TMEM161B: variants seen among roughly 807,000 people sequenced by gnomAD.
The protein encoded by TMEM161B is transmembrane protein 161B.
TMEM161B carries 34 observed loss-of-function variants against 61.8 expected under a neutral mutation model. That is an observed-to-expected ratio of 0.55 (90% CI 0.42 to 0.73). TMEM161B has a LOEUF of 0.73. Among genes scored for constraint, TMEM161B ranks in the 30% least tolerant of loss-of-function variants. TMEM161B has a pLI of 0.00. For synonymous variants in TMEM161B, 167 were observed against 192.8 expected, an observed-to-expected ratio of 0.87 and a Z score of 1.11; for missense variants, 456 against 558.5, an observed-to-expected ratio of 0.82 and a Z score of 1.85.
chr5:88,207,216 A>AT (rs770350266), intron 5 of TMEM161B, 36 bp from the exon 6 acceptor site: 1 of 1,579,898 alleles, frequency 6.3e-7, no homozygotes, highest in Non-Finnish European at 8.6e-7. Flanking sequence ...ACCACAATAA[A>AT]TTTATAGGAG....
chr5:88,220,854 T>C (rs1748841662), intron 4 of TMEM161B, 135 bp from the exon 5 acceptor site: 1 of 1,219,782 alleles, frequency 8.2e-7, no homozygotes. Flanking sequence ...CAATGTAAGA[T>C]TTACAAATAT....
At chr5:88,231,874 G>T (rs896574450) in intron 2 of TMEM161B, among the ~76,000 whole-genome samples, 2 of 152,026 alleles carry the variant, frequency 1.3e-5, no homozygotes, top group African/African-American at 4.8e-5. Context: ...TTTTATGTGT[G>T]TTTCTGTTTA....
At chr5:88,224,973 T>G (rs916722948) in intron 4 of TMEM161B, among the ~76,000 whole-genome samples, 10 of 142,814 alleles carry the variant, frequency 7.0e-5, no homozygotes, top group Admixed American at 3.5e-4. Flanking sequence ...TTGTTTTTTT[T>G]TTTTTTTTTT....
chr5:88,213,735 T>G (rs1375609949), intron 5 of TMEM161B, among the ~76,000 whole-genome samples: 2 of 152,192 alleles, frequency 1.3e-5, no homozygotes, highest in South Asian at 2.1e-4. Context: ...GATTTTTGTC[T>G]TGAAATCTGA....
chr5:88,268,106 C>T (rs402114), intron 1 of TMEM161B, among the ~76,000 whole-genome samples: 109,457 of 152,050 alleles, frequency 0.72, 39,531 homozygotes, highest in South Asian at 0.78. Context: ...GCAAATCTTA[C>T]GGTCATTCTC....
chr5:88,251,742 T>A (rs390856), intron 1 of TMEM161B, among the ~76,000 whole-genome samples: 1 of 152,024 alleles, frequency 6.6e-6, no homozygotes. Flanking sequence ...ATCCAAATTA[T>A]GTCGCCACAG....
intron 5 of TMEM161B, 129 bp from the exon 6 acceptor site, chr5:88,207,309 T>A: frequency 1.1e-6 from 1 of 886,572 alleles, no homozygotes; most frequent in Non-Finnish European, 1.7e-6. Context: ...TAAAACACTT[T>A]TAAATTAAGG....
chr5:88,263,464 G>T (rs937017054), intron 1 of TMEM161B, among the ~76,000 whole-genome samples: 13 of 152,118 alleles, frequency 8.5e-5, no homozygotes, highest in African/African-American at 3.1e-4. Flanking sequence ...GAAACAAAAG[G>T]TACAGTCATT....
At chr5:88,206,074 CA>C in intron 7 of TMEM161B, 120 bp from the exon 8 acceptor site, 1 of 835,426 alleles carries the variant, frequency 1.2e-6, no homozygotes, top group South Asian at 1.9e-5. Context: ...CAAATTTCTA[CA>C]AAAAGATTGC....
intron 1 of TMEM161B, among the ~76,000 whole-genome samples, chr5:88,256,520 T>G (rs1427376027): frequency 6.6e-6 from 1 of 152,220 alleles, no homozygotes; most frequent in Non-Finnish European, 1.5e-5. Context: ...ATCAGTTTGT[T>G]TAGACCAACT....
At position 88,262,424 on chromosome 5, in the gene TMEM161B, C is replaced by A. The variant is rs189306181; in HGVS notation, c.3+6297G>T. Among the ~76,000 whole-genome samples the A allele has an allele frequency of 4.5e-3, 678 of 152,256 alleles. 4 individuals carry two copies. The highest frequency in any genetic ancestry group is 0.015 in the African/African-American group (642 of 41,558). On this transcript the variant is annotated intron_variant, in intron 1 of 11. Coordinates refer to ENST00000296595, the MANE Select transcript of TMEM161B (RefSeq NM_153354.5). Reference sequence around the variant, plus strand: ...GGTTTTTACCCAAAGGAACTGAAAACCTTTGTCCACACAAAAAACTGTACA... The same window carrying A: ...GGTTTTTACCCAAAGGAACTGAAAAACTTTGTCCACACAAAAAACTGTACA...
At chr5:88,225,116 T>G (rs541969539) in intron 4 of TMEM161B, among the ~76,000 whole-genome samples, 1 of 151,880 alleles carries the variant, frequency 6.6e-6, no homozygotes, top group African/African-American at 2.4e-5. Flanking sequence ...TACAGGCGCC[T>G]GCCACCACGC....
chr5:88,197,238 A>T (rs578032172), intron 11 of TMEM161B, among the ~76,000 whole-genome samples: 4 of 152,314 alleles, frequency 2.6e-5, no homozygotes, highest in Admixed American at 2.0e-4. Context: ...TTTTGTACTG[A>T]GAAATCTTCA....
At chr5:88,198,788 T>A in intron 10 of TMEM161B, 188 bp downstream of exon 10, 1 of 571,250 alleles carries the variant, frequency 1.8e-6, no homozygotes, top group Non-Finnish European at 3.0e-6. Context: ...GGAAGAGGAA[T>A]TAAGACCTCA....
chr5:88,194,437 A>G (rs949953350), downstream of TMEM161B, among the ~76,000 whole-genome samples: 11 of 152,094 alleles, frequency 7.2e-5, no homozygotes, highest in Admixed American at 2.6e-4. Context: ...GCCACTGTGA[A>G]TACTGCTTCA....
chr5:88,251,761 T>C (rs1194994540), intron 1 of TMEM161B, among the ~76,000 whole-genome samples: 1 of 152,190 alleles, frequency 6.6e-6, no homozygotes, highest in Non-Finnish European at 1.5e-5. Context: ...AGAAATTATA[T>C]CTATAAATAG....
chr5:88,198,043 T>A (rs1367863068), intron 10 of TMEM161B: 4 of 236,002 alleles, frequency 1.7e-5, no homozygotes, highest in Non-Finnish European at 3.3e-5. Flanking sequence ...ATGACTAAGA[T>A]TCAAATGGTA....
rs1745191103 is a variant in TMEM161B at position 88,205,047 on chromosome 5, T to A, written c.800+767A>T. ...AAATATTCTCAAGTTGGGCTTCTAC[T>A]GCAAAACAAAACGATGAGACAGGAA... On this transcript the variant is annotated intron_variant, in intron 8 of 11. Coordinates refer to ENST00000296595, the MANE Select transcript of TMEM161B (RefSeq NM_153354.5). 2.0e-5 allele frequency among the ~76,000 whole-genome samples: 3 copies of A among 152,190 alleles called. No individual in the cohort carries two copies. The South Asian group carries it at 6.2e-4, about 32-fold the overall frequency.
At chr5:88,205,616 G>GT in intron 8 of TMEM161B, 198 bp downstream of exon 8, 1 of 500,250 alleles carries the variant, frequency 2.0e-6, no homozygotes, top group Non-Finnish European at 3.3e-6. Flanking sequence ...AATCGATGAT[G>GT]TATCTTTTTA....
Sources: allele counts gnomAD v4.1 joint callset (sites outside exome capture counted in the v4.1 genomes callset), GRCh38; gene constraint gnomAD v4.1.1; transcripts MANE v1.5; gene names NCBI Gene and HGNC (gene_info 2026-07-23, HGNC 2026-07-21).